BBX: variants seen among roughly 807,000 people sequenced by gnomAD.
The protein encoded by BBX is BBX high mobility group box domain containing.
A neutral mutation model predicts 100.2 loss-of-function variants in BBX; 30 were observed. The ratio of observed to expected loss-of-function variants is 0.30; its 90% CI spans 0.22 to 0.41. BBX has a LOEUF of 0.41. Ranked by LOEUF, BBX falls within the 10% of genes least tolerant of loss-of-function variation. The probability of loss-of-function intolerance (pLI) is 1.00; values close to 1 mark genes in which losing one functional copy is unlikely to be tolerated. For missense variants in BBX, 1,023 were observed against 1,129.8 expected, an observed-to-expected ratio of 0.91 and a Z score of 1.35; for synonymous variants, 376 against 388.1, an observed-to-expected ratio of 0.97 and a Z score of 0.37.
rs753139127 is a variant in BBX at position 107,772,896 on chromosome 3, T to C, written c.1175T>C (p.Ile392Thr). The C allele has an allele frequency of 2.5e-6, 4 of 1,610,218 alleles. No individual in the cohort carries two copies. The highest frequency in any genetic ancestry group is 3.4e-6 in the Non-Finnish European group (4 of 1,178,890). ...MAIKMEDPKEIRKEELEEDHK... is the reference protein window; with the variant it reads ...MAIKMEDPKETRKEELEEDHK... Reference sequence around the variant, plus strand: ...ATAAAAATGGAAGATCCCAAAGAAATTAGAAAGGAAGAGTTAGAAGAAGAT... The same window carrying C: ...ATAAAAATGGAAGATCCCAAAGAAACTAGAAAGGAAGAGTTAGAAGAAGAT... The change falls in exon 11 of 18, where the codon ATT becomes ACT. Residue 392 changes from isoleucine (I) to threonine (T), a missense_variant. Physicochemically the swap from Ile to Thr is moderately conservative, Grantham distance 89 (BLOSUM62 -1). This residue lies in a region of BBX where 348 missense variants were observed against 353.2 expected (regional missense o/e 0.99). Transcript: ENST00000325805.
intron 8 of BBX, 66 bp downstream of exon 8, chr3:107,744,776 TAACAG>T: frequency 7.9e-7 from 1 of 1,259,752 alleles, no homozygotes; most frequent in Non-Finnish European, 1.2e-6. Context: ...TTGGGGCTGA[TAACAG>T]TAACTGAAAG....
At chr3:107,547,116 A>AT (rs1175559350) in intron 2 of BBX, among the ~76,000 whole-genome samples, 3 of 152,184 alleles carry the variant, frequency 2.0e-5, no homozygotes, top group Admixed American at 2.0e-4. Context: ...TAAGAGAAGT[A>AT]TTTCCCTAGA....
chr3:107,726,689 C>T (rs927189600), intron 5 of BBX, among the ~76,000 whole-genome samples: 9 of 151,798 alleles, frequency 5.9e-5, no homozygotes, highest in African/African-American at 1.7e-4. Context: ...TTTTCCTGCC[C>T]GAGCCAGGGG....
At chr3:107,701,457 G>A (rs1272762360) in intron 3 of BBX, among the ~76,000 whole-genome samples, 1 of 152,186 alleles carries the variant, frequency 6.6e-6, no homozygotes, top group Non-Finnish European at 1.5e-5. Flanking sequence ...CATGTAAAGT[G>A]TTTAGCATGT....
intron 2 of BBX, among the ~76,000 whole-genome samples, chr3:107,630,682 G>T (rs2056489537): frequency 6.6e-6 from 1 of 152,198 alleles, no homozygotes; most frequent in African/African-American, 2.4e-5. Context: ...TCTTTTGAGA[G>T]ATCTTCTGAA....
chr3:107,772,262 G>A (rs2066966481), intron 10 of BBX, among the ~76,000 whole-genome samples: 1 of 152,094 alleles, frequency 6.6e-6, no homozygotes, highest in Admixed American at 6.6e-5. Flanking sequence ...GGAGTGAGGG[G>A]GTAAGTGATT....
intron 3 of BBX, among the ~76,000 whole-genome samples, chr3:107,698,577 G>A (rs920407041): frequency 6.6e-6 from 1 of 151,190 alleles, no homozygotes; most frequent in Admixed American, 6.6e-5. Flanking sequence ...GCTTGAACCT[G>A]GCAGGTGGAG....
intron 2 of BBX, among the ~76,000 whole-genome samples, chr3:107,552,529 AC>A (rs550315486): frequency 6.6e-6 from 1 of 151,870 alleles, no homozygotes; most frequent in Non-Finnish European, 1.5e-5. Context: ...AAAAATAGGT[AC>A]CCCCACGAGC....
chr3:107,801,333 C>G, intron 17 of BBX, 52 bp downstream of exon 17: 1 of 1,566,652 alleles, frequency 6.4e-7, no homozygotes, highest in Non-Finnish European at 8.7e-7. Context: ...AGATCAACCT[C>G]TTTGATGTGA....
chr3:107,598,068 C>T (rs1357323320), intron 2 of BBX, among the ~76,000 whole-genome samples: 2 of 152,160 alleles, frequency 1.3e-5, no homozygotes, highest in Non-Finnish European at 2.9e-5. Context: ...GATTTACTAC[C>T]TGTGTGCCTG....
intron 3 of BBX, among the ~76,000 whole-genome samples, chr3:107,652,413 TGCTATTCAGCA>T (rs1405025997): frequency 1.6e-5 from 2 of 126,518 alleles, no homozygotes; most frequent in African/African-American, 6.4e-5. Context: ...CTAAAGGATA[TGCTATTCAGCA>T]GTGATATAAT....
chr3:107,729,593 T>G (rs1047594042), intron 6 of BBX, among the ~76,000 whole-genome samples: 10 of 152,230 alleles, frequency 6.6e-5, no homozygotes, highest in African/African-American at 2.4e-4. Context: ...AAAGTACTTA[T>G]ATTCACCCTA....
intron 2 of BBX, among the ~76,000 whole-genome samples, chr3:107,603,019 A>G (rs1300949072): frequency 6.6e-6 from 1 of 152,178 alleles, no homozygotes; most frequent in Non-Finnish European, 1.5e-5. Context: ...GCTGGAGTGC[A>G]GTGGCACAAT....
At chr3:107,775,506 A>G (rs2067250556) in intron 12 of BBX, among the ~76,000 whole-genome samples, 2 of 152,184 alleles carry the variant, frequency 1.3e-5, no homozygotes. Flanking sequence ...TAGGAGATCC[A>G]ATACTTTATA....
At chr3:107,554,498 A>G (rs1478571431) in intron 2 of BBX, among the ~76,000 whole-genome samples, 1 of 152,192 alleles carries the variant, frequency 6.6e-6, no homozygotes, top group African/African-American at 2.4e-5. Context: ...GAATTTGTGG[A>G]TTTCCAAGGG....
intron 4 of BBX, among the ~76,000 whole-genome samples, chr3:107,714,557 GT>G (rs1306847933): frequency 6.6e-6 from 1 of 151,658 alleles, no homozygotes. Flanking sequence ...ACACTTTTTA[GT>G]TTTTTTTAGC....
intron 3 of BBX, among the ~76,000 whole-genome samples, chr3:107,699,818 T>C (rs1306248794): frequency 6.6e-6 from 1 of 151,954 alleles, no homozygotes; most frequent in African/African-American, 2.4e-5. Context: ...CCAGACAAGA[T>C]ATTTTCTCGA....
At chr3:107,598,146 T>C (rs542386431) in intron 2 of BBX, among the ~76,000 whole-genome samples, 1 of 152,318 alleles carries the variant, frequency 6.6e-6, no homozygotes, top group East Asian at 1.9e-4. Flanking sequence ...ATTGTGATAG[T>C]CATTGGCGTA....
intron 3 of BBX, among the ~76,000 whole-genome samples, chr3:107,647,906 G>A (rs1375380595): frequency 6.6e-6 from 1 of 152,142 alleles, no homozygotes; most frequent in East Asian, 1.9e-4. Context: ...AAAGAGAAAA[G>A]TGATGGAACT....
Sources: allele counts gnomAD v4.1 joint callset (sites outside exome capture counted in the v4.1 genomes callset), GRCh38; gene constraint gnomAD v4.1.1; regional missense constraint gnomAD v4.1.1; transcripts MANE v1.5; gene names NCBI Gene and HGNC (gene_info 2026-07-23, HGNC 2026-07-21).